CTNND2: variants seen among roughly 807,000 people sequenced by gnomAD.
CTNND2 encodes the protein catenin delta 2.
CTNND2 carries 22 observed loss-of-function variants against 144.4 expected under a neutral mutation model. The observed-to-expected ratio is 0.15, with a 90% CI of 0.11 to 0.22. The LOEUF (loss-of-function observed/expected upper bound fraction) is 0.22. Ranked by LOEUF, CTNND2 falls within the 10% of genes least tolerant of loss-of-function variation. The pLI is 1.00. For missense variants in CTNND2, 1,353 were observed against 1,618.8 expected, an observed-to-expected ratio of 0.84 and a Z score of 2.82; for synonymous variants, 751 against 695.6, an observed-to-expected ratio of 1.08 and a Z score of -1.25.
At chr5:11,290,012 C>G (rs1481913558) in intron 9 of CTNND2, among the ~76,000 whole-genome samples, 1 of 152,182 alleles carries the variant, frequency 6.6e-6, no homozygotes, top group Admixed American at 6.5e-5. Flanking sequence ...AAAATGGTTC[C>G]CTTTGCAACT....
intron 12 of CTNND2, among the ~76,000 whole-genome samples, chr5:11,125,058 G>T (rs529704040): frequency 3.9e-5 from 6 of 152,180 alleles, no homozygotes; most frequent in Non-Finnish European, 5.9e-5. Context: ...TTTGTCTGTG[G>T]TTTCCAAAAT....
In CTNND2 at chr5:11,136,776, T is replaced by C. The variant is rs557364756; in HGVS notation, c.2160-19209A>G. ...CAGCTGCAGGGATTCTTCAAAAATATATATCGAAGCACAAGTCCTCCAGTC... is the reference window on the plus strand; with the variant it reads ...CAGCTGCAGGGATTCTTCAAAAATACATATCGAAGCACAAGTCCTCCAGTC... On this transcript the variant is annotated intron_variant, in intron 12 of 21. Coordinates refer to ENST00000304623, the MANE Select transcript of CTNND2 (RefSeq NM_001332.4). 2.0e-5 allele frequency among the ~76,000 whole-genome samples: 3 copies of C among 152,346 alleles called. 1 individual carries two copies. The South Asian group carries it at 6.2e-4, about 32-fold the overall frequency.
rs1779057387 is a variant in CTNND2, at chr5:11,588,961, C to CG, written c.175-23906dup. The CG allele has an allele frequency of 1.9e-5, 19 of 985,240 alleles. No homozygotes were observed. In the South Asian group the frequency reaches 8.5e-4, roughly 44 times the overall value. 61.0% of individuals were successfully genotyped at this position (985,240 alleles called of 1,614,324 possible). A position where few individuals can be genotyped will look rare whatever the true frequency, so the allele number is the denominator to read the frequency against. On this transcript the variant is annotated intron_variant, in intron 2 of 21. Transcript: ENST00000304623. ...CCGAGAAGGGAGTGAAGAACAGCCT[C>CG]GAAAAAGTCAGGACGCTGAATTATC...
At chr5:11,062,515 T>C (rs1368312260) in intron 16 of CTNND2, among the ~76,000 whole-genome samples, 3 of 152,250 alleles carry the variant, frequency 2.0e-5, no homozygotes, top group African/African-American at 4.8e-5. Context: ...TCTGGGGAAC[T>C]GCAGCTCAAA....
chr5:11,246,814 C>T (rs565076434), intron 9 of CTNND2, among the ~76,000 whole-genome samples: 1 of 152,000 alleles, frequency 6.6e-6, no homozygotes, highest in Admixed American at 6.6e-5. Context: ...GGGAACATTC[C>T]AGAACAGGAA....
intron 3 of CTNND2, among the ~76,000 whole-genome samples, chr5:11,486,846 T>C (rs1262685320): frequency 6.6e-6 from 1 of 152,190 alleles, no homozygotes; most frequent in Non-Finnish European, 1.5e-5. Flanking sequence ...ATATAAATAA[T>C]CACCTGCTGA....
rs530167555 is a variant in CTNND2 at position 11,132,610 on chromosome 5, A to G, written c.2160-15043T>C. Reference sequence around the variant, plus strand: ...CCAGCTCCCAGAATGTGAGAAATACATTTCTGCTGTTTGTAAGCTATCTTG... The same window carrying G: ...CCAGCTCCCAGAATGTGAGAAATACGTTTCTGCTGTTTGTAAGCTATCTTG... On this transcript the variant is annotated intron_variant, in intron 12 of 21. Transcript: ENST00000304623. Among the ~76,000 whole-genome samples, 14 of 152,286 alleles carry G rather than the reference A, an allele frequency of 9.2e-5. 1 individual carries two copies. The highest frequency in any genetic ancestry group is 8.5e-4 in the Admixed American group (13 of 15,298).
intron 11 of CTNND2, among the ~76,000 whole-genome samples, chr5:11,171,183 T>G (rs1759866072): frequency 6.6e-6 from 1 of 152,130 alleles, no homozygotes; most frequent in Admixed American, 6.6e-5. Flanking sequence ...CCATGTCACA[T>G]GCACTATTTA....
At chr5:11,822,345 G>C (rs1793359700) in intron 1 of CTNND2, among the ~76,000 whole-genome samples, 1 of 152,124 alleles carries the variant, frequency 6.6e-6, no homozygotes, top group African/African-American at 2.4e-5. Flanking sequence ...AGAAGTTTTA[G>C]TGACATGGTA....
intron 16 of CTNND2, among the ~76,000 whole-genome samples, chr5:11,065,222 G>A (rs4702788): frequency 0.055 from 8,426 of 152,230 alleles, 334 homozygotes; most frequent in African/African-American, 0.11. Flanking sequence ...CCTTTCCCAC[G>A]GGTGCCTAAT....
intron 2 of CTNND2, among the ~76,000 whole-genome samples, chr5:11,573,214 T>C (rs1487005570): frequency 6.6e-6 from 1 of 152,224 alleles, no homozygotes; most frequent in Non-Finnish European, 1.5e-5. Context: ...ACATGATAAG[T>C]AATTGCTTAA....
chr5:11,001,465 C>T (rs1309589751), intron 18 of CTNND2, among the ~76,000 whole-genome samples: 1 of 152,118 alleles, frequency 6.6e-6, no homozygotes, highest in Non-Finnish European at 1.5e-5. Context: ...TGGTATCTAG[C>T]ATAGTACCTG....
intron 2 of CTNND2, among the ~76,000 whole-genome samples, chr5:11,646,634 TATCAAGTAAA>T (rs777666868): frequency 0.36 from 50,578 of 141,128 alleles, 9,280 homozygotes; most frequent in African/African-American, 0.55. Context: ...TCTTAGGAAA[TATCAAGTAAA>T]TTTCGTTTAC....
intron 9 of CTNND2, among the ~76,000 whole-genome samples, chr5:11,246,514 A>G (rs1743022139): frequency 6.6e-6 from 1 of 152,054 alleles, no homozygotes; most frequent in African/African-American, 2.4e-5. Flanking sequence ...AGAAGCGAGA[A>G]GAGGGGCAGG....
chr5:11,239,586 T>G (rs1031607867), intron 9 of CTNND2, among the ~76,000 whole-genome samples: 3 of 152,326 alleles, frequency 2.0e-5, no homozygotes, highest in Middle Eastern at 3.4e-3. Flanking sequence ...TTGTGCTACT[T>G]TCCTGCTCCA....
At chr5:11,174,002 G>A (rs1201064184) in intron 11 of CTNND2, among the ~76,000 whole-genome samples, 1 of 152,188 alleles carries the variant, frequency 6.6e-6, no homozygotes, top group East Asian at 1.9e-4. Context: ...ATGGCCAGCA[G>A]AGATGGACGT....
chr5:11,711,797 C>T (rs1012935041), intron 2 of CTNND2, among the ~76,000 whole-genome samples: 7 of 152,202 alleles, frequency 4.6e-5, no homozygotes, highest in East Asian at 1.9e-4. Flanking sequence ...ACTAGCCACA[C>T]GGCCTTAAGT....
intron 2 of CTNND2, among the ~76,000 whole-genome samples, chr5:11,659,600 A>C (rs1296494302): frequency 6.6e-6 from 1 of 152,086 alleles, no homozygotes; most frequent in Non-Finnish European, 1.5e-5. Flanking sequence ...AGGACTCCTG[A>C]TGCCTGCTCA....
chr5:11,269,454 C>T (rs1745779026), intron 9 of CTNND2, among the ~76,000 whole-genome samples: 1 of 152,122 alleles, frequency 6.6e-6, no homozygotes, highest in East Asian at 1.9e-4. Context: ...TTAAAAACAG[C>T]ACACTGTCTC....
Sources: gnomAD v4.1 joint callset for allele counts (sites outside exome capture counted in the v4.1 genomes callset) on GRCh38, gnomAD v4.1.1 for gene constraint, MANE v1.5 for transcripts, NCBI Gene and HGNC (gene_info 2026-07-23, HGNC 2026-07-21) for gene names.